Variants in NCR3 observed in about 807,000 individuals in gnomAD.
The protein encoded by NCR3 is NK-p30.
In NCR3, 13 loss-of-function variants were observed where a neutral mutation model predicts 16.1. That is an observed-to-expected ratio of 0.81 (90% CI 0.53 to 1.28). The LOEUF (loss-of-function observed/expected upper bound fraction) is 1.28. Among genes scored for constraint, NCR3 ranks in the 50% most tolerant of loss-of-function variants. The pLI is 0.00. For missense variants in NCR3, 202 were observed against 256.8 expected (o/e 0.79, Z 1.46); for synonymous variants, 98 against 106.6 (o/e 0.92, Z 0.50).
chr6:31,590,926 G>A (rs961771315), intron 1 of NCR3, among the ~76,000 whole-genome samples: 1 of 151,956 alleles, frequency 6.6e-6, no homozygotes, highest in African/African-American at 2.4e-5. Flanking sequence ...TGCAAACTCC[G>A]TCCCCTGGGT....
At position 31,589,522 on chromosome 6, in the gene NCR3, T is replaced by G; in HGVS notation, c.496+4A>C. ...CCACTATTGCCCCTGGCTCCATTAC[T>G]CACATTTGCCCTGGTAATAGACGGT... On this transcript the variant is annotated splice_donor_region_variant and intron_variant, in intron 3 of 3. Coordinates refer to ENST00000340027, the MANE Select transcript of NCR3 (RefSeq NM_147130.3). The surrounding 1 kb of genome is among the most constrained non-coding windows in gnomAD (Gnocchi z 4.8). The G allele has an allele frequency of 6.2e-7, 1 of 1,613,876 alleles. No individual in the cohort carries two copies. Among genetic ancestry groups the G allele is most frequent in the Non-Finnish European group, 8.5e-7 (1 of 1,179,962 alleles).
At chr6:31,592,569 C>A in intron 1 of NCR3, 110 bp downstream of exon 1, 1 of 1,157,858 alleles carries the variant, frequency 8.6e-7, no homozygotes, top group Non-Finnish European at 1.3e-6. Context: ...CCCTCAGAGC[C>A]GTGTGTTTCA....
chr6:31,592,277 G>A (rs1772688300), intron 1 of NCR3, among the ~76,000 whole-genome samples: 1 of 151,402 alleles, frequency 6.6e-6, no homozygotes, highest in Admixed American at 6.6e-5. Context: ...GCCAGGTGTG[G>A]TCGTGCGTGC....
Position 31,590,066 on chromosome 6 carries a change from G to A in NCR3, c.104C>T (p.Ala35Val), listed in dbSNP as rs760033996. 4 of 1,612,998 alleles carry A rather than the reference G, an allele frequency of 2.5e-6. No homozygotes were observed. The South Asian group carries it at 3.3e-5, about 13-fold the overall frequency. Reference protein sequence around the residue: ...PEIRTLEGSSAFLPCSFNASQ... With the variant: ...PEIRTLEGSSVFLPCSFNASQ... Reference sequence around the variant, plus strand: ...GGCATTGAAGGAGCAGGGCAGGAAGGCAGAGGATCCTTCCAGGGTACGAAT... The same window carrying A: ...GGCATTGAAGGAGCAGGGCAGGAAGACAGAGGATCCTTCCAGGGTACGAAT... The change falls in exon 2 of 4, where the codon GCC (alanine) becomes GTC (valine). Residue 35 changes from alanine (A) to valine (V), a missense_variant. By Grantham distance (64) the Ala-to-Val change is moderately conservative (BLOSUM62 0). Transcript: ENST00000340027.
Position 31,590,033 on chromosome 6 carries a change from C to G in NCR3, c.137G>C (p.Gly46Ala), listed in dbSNP as rs1256086667. The change falls in exon 2 of 4, where the codon GGG becomes GCG. Residue 46 changes from glycine to alanine, a missense_variant. By Grantham distance (60) the Gly-to-Ala change is moderately conservative (BLOSUM62 0). Transcript: ENST00000340027. ...CGTGACGGAGCCAATGGCCAGTCTCCCTTGGCTGGCATTGAAGGAGCAGGG... is the reference window on the plus strand; with the variant it reads ...CGTGACGGAGCCAATGGCCAGTCTCGCTTGGCTGGCATTGAAGGAGCAGGG... ...FLPCSFNASQ[G>A]RLAIGSVTWF... 6.2e-7 allele frequency: 1 copy of G among 1,612,948 alleles called. No homozygotes were observed. Among genetic ancestry groups the G allele is most frequent in the Non-Finnish European group, 8.5e-7 (1 of 1,180,028 alleles).
At chr6:31,591,534 G>A (rs1031590348) in intron 1 of NCR3, among the ~76,000 whole-genome samples, 4 of 152,210 alleles carry the variant, frequency 2.6e-5, no homozygotes, top group African/African-American at 4.8e-5. Flanking sequence ...AAACAGTTTC[G>A]GCCGGGTGCA....
Position 31,592,951 on chromosome 6 carries a change from CAGGGTCTCT to C in NCR3, c.-239_-231del, listed in dbSNP as rs371713756. ...GGACAGATGCTGCTGGAGGAGATGT[CAGGGTCTCT>C]AGGAGGCCAAGGGGCCAGCTTGTGG... On this transcript the variant is annotated 5_prime_UTR_variant, in exon 1 of 4. Transcript: ENST00000340027. 1.1e-5 allele frequency: 7 copies of C among 610,722 alleles called. No homozygotes were observed. In the East Asian group the frequency reaches 2.0e-4, roughly 17 times the overall value. The allele number at this position is 610,722 out of a possible 1,614,324, so 37.8% of individuals were successfully genotyped here. A position where few individuals can be genotyped will look rare whatever the true frequency, so the allele number is the denominator to read the frequency against.
chr6:31,589,961 G>T lies in NCR3; in HGVS notation c.209C>A (p.Thr70Asn), dbSNP rs1488792048. The change falls in exon 2 of 4, where the codon ACC becomes AAC. Residue 70 changes from threonine to asparagine, a missense_variant. Physicochemically the swap from Thr to Asn is moderately conservative, Grantham distance 65. Coordinates refer to ENST00000340027, the MANE Select transcript of NCR3 (RefSeq NM_147130.3). This position sits in a 1 kb window ranked among gnomAD's most constrained non-coding sequence, Gnocchi z 4.8. ...GGCCAGGCGGCCCCTGAACTCTGGG[G>T]TTCCATTCCTCACCTCCTTCCCTGG... ...VVPGKEVRNG[T>N]PEFRGRLAPL... The T allele has an allele frequency of 3.1e-5, 50 of 1,612,982 alleles. No individual in the cohort carries two copies. The highest frequency in any genetic ancestry group is 8.3e-5 in the Admixed American group (5 of 59,996).
At position 31,589,515 on chromosome 6, in the gene NCR3, C is replaced by A; in HGVS notation, c.496+11G>T. 1.2e-6 allele frequency: 2 copies of A among 1,613,894 alleles called. No individual in the cohort carries two copies. Among genetic ancestry groups the A allele is most frequent in the Non-Finnish European group, 1.7e-6 (2 of 1,179,914 alleles). On this transcript the variant is annotated intron_variant, in intron 3 of 3. Transcript: ENST00000340027. The surrounding 1 kb of genome is among the most constrained non-coding windows in gnomAD (Gnocchi z 4.8). ...ATCCCGTCCACTATTGCCCCTGGCT[C>A]CATTACTCACATTTGCCCTGGTAAT...
Position 31,589,070 on chromosome 6 carries a change from G to A in NCR3, c.603C>T (p.Gly201=). The A allele has an allele frequency of 6.3e-7, 1 of 1,580,090 alleles. No individual in the cohort carries two copies. Among genetic ancestry groups the A allele is most frequent in the Non-Finnish European group, 8.6e-7 (1 of 1,163,440 alleles). Residue 201 remains glycine, a synonymous_variant, in exon 4 of 4, where the codon GGC becomes GGT. Coordinates refer to ENST00000340027, the MANE Select transcript of NCR3 (RefSeq NM_147130.3). This position sits in a 1 kb window ranked among gnomAD's most constrained non-coding sequence, Gnocchi z 4.8. ...CCATTTCTCAGGACAATCAGGCTCA[G>A]CCTCCTGGGACTGGGGGAAGCAGAT... The part of the protein sequence containing the change: ...SAHLLPPVPG[G]
Position 31,589,400 on chromosome 6 carries a change from G to A in NCR3, c.496+126C>T. On this transcript the variant is annotated intron_variant, in intron 3 of 3. Coordinates refer to ENST00000340027, the MANE Select transcript of NCR3 (RefSeq NM_147130.3). This position sits in a 1 kb window ranked among gnomAD's most constrained non-coding sequence, Gnocchi z 4.8. The stretch of plus-strand genomic sequence containing the variant: ...CATGTGACAGTGGCCTGGTCAGAGA[G>A]AGGACAGGAGCTGCTCAGTGTTGCA... 6.4e-7 allele frequency: 1 copy of A among 1,553,472 alleles called. No homozygotes were observed. Among genetic ancestry groups the A allele is most frequent in the Non-Finnish European group, 8.7e-7 (1 of 1,147,664 alleles).
Position 31,590,013 on chromosome 6 carries a change from C to G in NCR3, c.157G>C (p.Val53Leu). 6.2e-7 allele frequency: 1 copy of G among 1,613,064 alleles called. No individual in the cohort carries two copies. Among genetic ancestry groups the G allele is most frequent in the Non-Finnish European group, 8.5e-7 (1 of 1,180,032 alleles). ...ACCACCTCATCTCGGAACCACGTGA[C>G]GGAGCCAATGGCCAGTCTCCCTTGG... Reference protein sequence around the residue: ...ASQGRLAIGSVTWFRDEVVPG... With the variant: ...ASQGRLAIGSLTWFRDEVVPG... The change falls in exon 2 of 4, where the codon GTC becomes CTC. Residue 53 changes from valine (V) to leucine (L), a missense_variant. Val to Leu is a conservative substitution (Grantham distance 32). Coordinates refer to ENST00000340027, the MANE Select transcript of NCR3 (RefSeq NM_147130.3).
At chr6:31,591,708 T>C (rs1772643182) in intron 1 of NCR3, among the ~76,000 whole-genome samples, 1 of 151,780 alleles carries the variant, frequency 6.6e-6, no homozygotes. Flanking sequence ...CCTAGCTACT[T>C]GGGAGGCTGA....
rs1772514261 is a variant in NCR3 at position 31,590,149 on chromosome 6, G to A, written c.44-23C>T. ...ATCCTGGGGGCAGAAGGAAGACCCA[G>A]AGAAACACCTCCCCAGTTATTCCAA... On this transcript the variant is annotated intron_variant, in intron 1 of 3. Transcript: ENST00000340027. 10 of 1,572,432 alleles carry A rather than the reference G, an allele frequency of 6.4e-6. No homozygotes were observed. The East Asian group carries it at 2.0e-4, about 32-fold the overall frequency.
intron 1 of NCR3, among the ~76,000 whole-genome samples, chr6:31,590,384 C>G (rs1284561964): frequency 2.0e-5 from 3 of 151,978 alleles, no homozygotes; most frequent in Admixed American, 1.3e-4. Flanking sequence ...GGCGGATCAC[C>G]AGGTCAGGAG....
chr6:31,591,265 T>C (rs144942538), intron 1 of NCR3, among the ~76,000 whole-genome samples: 177 of 152,370 alleles, frequency 1.2e-3, no homozygotes, highest in Admixed American at 2.7e-3. Flanking sequence ...AAACCAAATA[T>C]TAAAATCCCT....
intron 1 of NCR3, among the ~76,000 whole-genome samples, chr6:31,592,118 T>C (rs1772673387): frequency 6.6e-6 from 1 of 151,892 alleles, no homozygotes; most frequent in Non-Finnish European, 1.5e-5. Flanking sequence ...GGTGTGGTGG[T>C]GCGCGCTTGT....
intron 1 of NCR3, among the ~76,000 whole-genome samples, chr6:31,591,410 T>G (rs1457842825): frequency 6.6e-6 from 1 of 152,090 alleles, no homozygotes; most frequent in African/African-American, 2.4e-5. Flanking sequence ...TTTGACTCAG[T>G]AGGTCTGGAG....
rs370609184 is a variant in NCR3 at position 31,589,431 on chromosome 6, G to A, written c.496+95C>T. On this transcript the variant is annotated intron_variant, in intron 3 of 3. Coordinates refer to ENST00000340027, the MANE Select transcript of NCR3 (RefSeq NM_147130.3). The surrounding 1 kb of genome is among the most constrained non-coding windows in gnomAD (Gnocchi z 4.8). ...AGGAGCTGCTCAGTGTTGCAGTCCC[G>A]AGGCTCTCCTCTTCCTGGTCTCTGT... The A allele has an allele frequency of 5.1e-6, 8 of 1,562,854 alleles. No individual in the cohort carries two copies. The African/African-American group carries it at 6.8e-5, about 13-fold the overall frequency.
Sources: allele counts gnomAD v4.1 joint callset (sites outside exome capture counted in the v4.1 genomes callset), GRCh38; gene constraint gnomAD v4.1.1; non-coding constraint Gnocchi (gnomAD v3.1); transcripts MANE v1.5; gene names NCBI Gene and HGNC (gene_info 2026-07-23, HGNC 2026-07-21).